Variants in GRIP2 observed in about 807,000 individuals in gnomAD.
GRIP2 encodes glutamate receptor-interacting protein 2.
GRIP2 carries 58 observed loss-of-function variants against 108.3 expected under a neutral mutation model. That is an observed-to-expected ratio of 0.54 (90% CI 0.43 to 0.67). The LOEUF is 0.67. Among genes scored for constraint, GRIP2 ranks in the 30% least tolerant of loss-of-function variants. The pLI, the probability that GRIP2 is intolerant of heterozygous loss-of-function variation, is 0.00. For missense variants in GRIP2, 1,278 were observed against 1,430.6 expected, an observed-to-expected ratio of 0.89 and a Z score of 1.72; for synonymous variants, 586 against 598.2, an observed-to-expected ratio of 0.98 and a Z score of 0.30.
intron 19 of GRIP2, among the ~76,000 whole-genome samples, chr3:14,506,104 C>A (rs1693918976): frequency 6.6e-6 from 1 of 152,232 alleles, no homozygotes; most frequent in Admixed American, 6.5e-5. Context: ...AAGGTCCAGC[C>A]CCAGGGAGTG....
chr3:14,511,496 C>A lies in GRIP2; in HGVS notation c.1721-17G>T. 1 of 1,612,214 alleles carries A rather than the reference C, an allele frequency of 6.2e-7. No homozygotes were observed. Among genetic ancestry groups the A allele is most frequent in the Non-Finnish European group, 8.5e-7 (1 of 1,179,710 alleles). ...TGCTGGCCGCTGGAGAAAAAGAGGC[C>A]ATGAATCTGACCTTGGTGGCCTCAG... On this transcript the variant is annotated splice_polypyrimidine_tract_variant and intron_variant, in intron 14 of 23. Transcript: ENST00000621039. This position sits in a 1 kb window ranked among gnomAD's most constrained non-coding sequence, Gnocchi z 4.1.
At chr3:14,588,337 C>T in the GRIP2 span, among the ~76,000 whole-genome samples, 11 of 152,300 alleles carry the variant, frequency 7.2e-5, 1 homozygote, top group East Asian at 1.5e-3. Flanking sequence ...TGAGGAACCC[C>T]GGCCTCCCCT....
chr3:14,602,842 C>A, the GRIP2 span, among the ~76,000 whole-genome samples: 2 of 151,428 alleles, frequency 1.3e-5, no homozygotes, highest in African/African-American at 2.4e-5. The surrounding 1 kb of genome is among the most constrained non-coding windows in gnomAD (Gnocchi z 4.7). Flanking sequence ...CAGGCGTGTG[C>A]GCCCCGGGCC....
intron 9 of GRIP2, among the ~76,000 whole-genome samples, chr3:14,518,968 G>A (rs1694332054): frequency 1.3e-5 from 2 of 152,244 alleles, no homozygotes; most frequent in African/African-American, 4.8e-5. Flanking sequence ...GAGCCAAGGG[G>A]TTGTACGCAG....
chr3:14,573,482 G>T, the GRIP2 span: 1 of 1,546,464 alleles, frequency 6.5e-7, no homozygotes, highest in Non-Finnish European at 8.9e-7. Context: ...CCTCAGGGTT[G>T]AGGAAAGGCA....
the GRIP2 span, among the ~76,000 whole-genome samples, chr3:14,587,649 A>C: frequency 6.6e-6 from 1 of 152,006 alleles, no homozygotes; most frequent in South Asian, 2.1e-4. Context: ...CAAAAAAAAA[A>C]AAAAAACAAA....
intron 13 of GRIP2, among the ~76,000 whole-genome samples, chr3:14,513,235 A>AT (rs1442038930): frequency 6.6e-6 from 1 of 152,154 alleles, no homozygotes; most frequent in Non-Finnish European, 1.5e-5. Flanking sequence ...TCTTGGGCAT[A>AT]TGCCTCACCT....
chr3:14,510,031 C>A (rs1694040550), intron 16 of GRIP2, 67 bp from the exon 17 acceptor site: 2 of 1,245,648 alleles, frequency 1.6e-6, no homozygotes, highest in African/African-American at 3.1e-5. Context: ...AAGCCTTGGC[C>A]TCACTCACTC....
chr3:14,590,100 C>T, the GRIP2 span, among the ~76,000 whole-genome samples: 2 of 152,142 alleles, frequency 1.3e-5, no homozygotes, highest in East Asian at 1.9e-4. Context: ...CTAAACACCA[C>T]GAATTTTAAA....
intron 21 of GRIP2, among the ~76,000 whole-genome samples, chr3:14,498,244 T>C (rs1559330274): frequency 6.6e-6 from 1 of 152,098 alleles, no homozygotes; most frequent in Non-Finnish European, 1.5e-5. Context: ...GGAGGATTGT[T>C]TGAGTCTAGG....
At chr3:14,519,743 C>A (rs1450591563) in intron 9 of GRIP2, among the ~76,000 whole-genome samples, 2 of 152,240 alleles carry the variant, frequency 1.3e-5, no homozygotes, top group Non-Finnish European at 2.9e-5. Context: ...AACTTCCCAG[C>A]TGCCTCCTCT....
At chr3:14,573,504 A>G in the GRIP2 span, 1 of 1,546,842 alleles carries the variant, frequency 6.5e-7, no homozygotes, top group Non-Finnish European at 8.9e-7. Context: ...GAGCCCACAC[A>G]CATCATCCAT....
chr3:14,561,405 T>C, the GRIP2 span, among the ~76,000 whole-genome samples: 74 of 152,318 alleles, frequency 4.9e-4, 2 homozygotes, highest in Admixed American at 4.8e-3. Flanking sequence ...ATCCTCCCTA[T>C]AGCATTCTCA....
At chr3:14,528,696 TA>T (rs56364074) in intron 1 of GRIP2, among the ~76,000 whole-genome samples, 6 of 149,460 alleles carry the variant, frequency 4.0e-5, no homozygotes, top group African/African-American at 1.2e-4. Flanking sequence ...TCTCCCTAAT[TA>T]AAAAAAAAAA....
the GRIP2 span, chr3:14,573,287 G>A: frequency 1.4e-6 from 2 of 1,421,668 alleles, no homozygotes; most frequent in Admixed American, 3.5e-5. Context: ...GGTACAGCAG[G>A]AAGATGGCAC....
At chr3:14,514,184 C>T in intron 12 of GRIP2, 108 bp downstream of exon 12, 1 of 1,038,574 alleles carries the variant, frequency 9.6e-7, no homozygotes, top group South Asian at 1.6e-5. Context: ...GGTGCTGGGG[C>T]TGATGCAATG....
At chr3:14,540,624 G>A (rs551234464), upstream of GRIP2, among the ~76,000 whole-genome samples, 1 of 152,256 alleles carries the variant, frequency 6.6e-6, no homozygotes. The surrounding 1 kb of genome is among the most constrained non-coding windows in gnomAD (Gnocchi z 4.1). Context: ...ACTTGCCCTG[G>A]GACTTTGGCA....
intron 1 of GRIP2, among the ~76,000 whole-genome samples, chr3:14,528,804 A>G (rs1291703179): frequency 1.3e-5 from 2 of 152,134 alleles, no homozygotes; most frequent in Non-Finnish European, 2.9e-5. Flanking sequence ...TTAACTTGCC[A>G]TTCATCTATA....
intron 1 of GRIP2, among the ~76,000 whole-genome samples, chr3:14,534,608 G>A (rs1019549268): frequency 4.6e-5 from 7 of 151,716 alleles, no homozygotes; most frequent in African/African-American, 1.7e-4. Flanking sequence ...GTAGGAACTC[G>A]CTTCAGAGGA....
Sources: allele counts gnomAD v4.1 joint callset (sites outside exome capture counted in the v4.1 genomes callset), GRCh38; gene constraint gnomAD v4.1.1; non-coding constraint Gnocchi (gnomAD v3.1); transcripts MANE v1.5; gene names NCBI Gene and HGNC (gene_info 2026-07-23, HGNC 2026-07-21).